The following ITGB3BP variants were observed in gnomAD, a reference collection of about 807,000 sequenced individuals.
ITGB3BP encodes integrin subunit beta 3 binding protein.
Under a neutral mutation model 29.1 loss-of-function variants are expected in ITGB3BP, and 27 were observed. The observed-to-expected ratio is 0.93, with a 90% CI of 0.68 to 1.28. The LOEUF is 1.28. Among genes scored for constraint, ITGB3BP ranks in the 50% most tolerant of loss-of-function variants. The pLI, the probability that ITGB3BP is intolerant of heterozygous loss-of-function variation, is 0.00. For synonymous variants in ITGB3BP, 61 were observed against 61.4 expected, an observed-to-expected ratio of 0.99 and a Z score of 0.03; for missense variants, 192 against 200.2, an observed-to-expected ratio of 0.96 and a Z score of 0.25.
At chr1:63,510,229 G>A (rs1646171415) in intron 1 of ITGB3BP, 1 of 470,448 alleles carries the variant, frequency 2.1e-6, no homozygotes, top group South Asian at 3.7e-5. Flanking sequence ...AAAAACTAAA[G>A]TTAAACAGTA....
chr1:63,468,862 A>AAATAAAT (rs1645144443), intron 4 of ITGB3BP, among the ~76,000 whole-genome samples: 17 of 139,380 alleles, frequency 1.2e-4, no homozygotes, highest in South Asian at 2.4e-4. Context: ...ACTCTGTCTC[A>AAATAAAT]AAATAAATAA....
At chr1:63,477,535 A>G (rs745413520) in intron 4 of ITGB3BP, among the ~76,000 whole-genome samples, 1 of 152,122 alleles carries the variant, frequency 6.6e-6, no homozygotes, top group Non-Finnish European at 1.5e-5. Context: ...CCTGGGTAAC[A>G]TGGCGAAACT....
chr1:63,522,998 G>C (rs762164547), intron 1 of ITGB3BP, 131 bp downstream of exon 1: 2 of 1,021,624 alleles, frequency 2.0e-6, no homozygotes, highest in Non-Finnish European at 3.1e-6. Context: ...GAAGGGAATT[G>C]CCTGTGGACA....
intron 4 of ITGB3BP, among the ~76,000 whole-genome samples, chr1:63,471,099 T>C (rs1645187918): frequency 6.6e-6 from 1 of 152,184 alleles, no homozygotes; most frequent in Non-Finnish European, 1.5e-5. Context: ...CTTTTGCCCA[T>C]TTTTCTATTG....
intron 4 of ITGB3BP, among the ~76,000 whole-genome samples, chr1:63,469,898 C>G (rs1040307420): frequency 2.0e-5 from 3 of 152,216 alleles, no homozygotes; most frequent in Non-Finnish European, 4.4e-5. Context: ...GTAACGCCCA[C>G]GCTGTAAGGT....
At chr1:63,511,465 C>G (rs1646198169) in intron 1 of ITGB3BP, among the ~76,000 whole-genome samples, 1 of 151,986 alleles carries the variant, frequency 6.6e-6, no homozygotes, top group South Asian at 2.1e-4. Flanking sequence ...AGCTGGGACA[C>G]AAACAGATAT....
chr1:63,518,273 A>G (rs1278629549), intron 1 of ITGB3BP, among the ~76,000 whole-genome samples: 1 of 152,170 alleles, frequency 6.6e-6, no homozygotes, highest in Non-Finnish European at 1.5e-5. Flanking sequence ...CTTTGTGGGA[A>G]GATTCTTAGT....
intron 1 of ITGB3BP, 121 bp from the exon 2 acceptor site, chr1:63,508,691 G>A (rs977475967): frequency 1.9e-6 from 1 of 514,130 alleles, no homozygotes; most frequent in African/African-American, 2.0e-5. Context: ...TTTATATTAT[G>A]TATTAAAGCA....
chr1:63,488,166 A>T (rs1473926972), intron 3 of ITGB3BP, among the ~76,000 whole-genome samples: 1 of 152,116 alleles, frequency 6.6e-6, no homozygotes, highest in Non-Finnish European at 1.5e-5. Flanking sequence ...ACATGGTTCA[A>T]ATGTACATAG....
At position 63,473,189 on chromosome 1, in the gene ITGB3BP, C is replaced by A. The variant is rs1298760500; in HGVS notation, c.254+5575G>T. ...GCAACCCTGTCTGGGAGGTGAGGAGCGTCTCTGCCCGGCCGCCCCGTCTGA... is the reference window on the plus strand; with the variant it reads ...GCAACCCTGTCTGGGAGGTGAGGAGAGTCTCTGCCCGGCCGCCCCGTCTGA... On this transcript the variant is annotated intron_variant, in intron 4 of 8. Coordinates refer to ENST00000271002, the MANE Select transcript of ITGB3BP (RefSeq NM_014288.5). 2.6e-5 allele frequency among the ~76,000 whole-genome samples: 4 copies of A among 151,928 alleles called. No individual in the cohort carries two copies. In the South Asian group the frequency reaches 8.3e-4, roughly 32 times the overall value.
In ITGB3BP at chr1:63,449,325, C is replaced by T. The variant is rs1171751687; in HGVS notation, c.485-2469G>A. 4 of 152,442 alleles carry T rather than the reference C, an allele frequency of 2.6e-5. No homozygotes were observed. The East Asian group carries it at 5.8e-4, about 22-fold the overall frequency. The allele number at this position is 152,442 out of a possible 1,614,324, so 9.4% of individuals were successfully genotyped here. On this transcript the variant is annotated intron_variant, in intron 7 of 8. Transcript: ENST00000271002. Reference sequence around the variant, plus strand: ...TAGCAAGTTATTTACACCTCTTAAACACCTAATTGCTATTAAGTGAGTCCA... The same window carrying T: ...TAGCAAGTTATTTACACCTCTTAAATACCTAATTGCTATTAAGTGAGTCCA...
chr1:63,522,812 TCATC>T (rs956135585), intron 1 of ITGB3BP: 24 of 449,906 alleles, frequency 5.3e-5, no homozygotes, highest in Non-Finnish European at 8.7e-5. Context: ...AGGCGTGTTT[TCATC>T]TACTCTGTCC....
Position 63,474,299 on chromosome 1 carries a change from C to A in ITGB3BP, c.254+4465G>T, listed in dbSNP as rs1464680764. Among the ~76,000 whole-genome samples, 17 of 144,284 alleles carry A rather than the reference C, an allele frequency of 1.2e-4. No homozygotes were observed. In the East Asian group the frequency reaches 1.4e-3, roughly 12 times the overall value. The allele number at this position is 144,284 out of a possible 152,430, so 94.7% of individuals were successfully genotyped here. A position where few individuals can be genotyped will look rare whatever the true frequency, so the allele number is the denominator to read the frequency against. ...GGGGGTCAGCCCCCCGCCCGGCCAG[C>A]CGCCCCATCCGGGAGGTGAGGGGCG... On this transcript the variant is annotated intron_variant, in intron 4 of 8. Coordinates refer to ENST00000271002, the MANE Select transcript of ITGB3BP (RefSeq NM_014288.5).
upstream of ITGB3BP, chr1:63,523,242 A>T: frequency 6.8e-7 from 1 of 1,470,342 alleles, no homozygotes; most frequent in Non-Finnish European, 9.5e-7. Context: ...CGCGCGCTGG[A>T]CGTTGCGTCA....
intron 4 of ITGB3BP, among the ~76,000 whole-genome samples, chr1:63,471,595 C>A (rs1645198366): frequency 6.6e-6 from 1 of 152,054 alleles, no homozygotes; most frequent in Admixed American, 6.5e-5. Context: ...GACTTCCAAT[C>A]CACCTGGAAT....
chr1:63,474,918 AAAC>A (rs369407896), intron 4 of ITGB3BP, among the ~76,000 whole-genome samples: 136,882 of 150,412 alleles, frequency 0.91, 63,510 homozygotes, highest in East Asian at 1. Context: ...AATAAAATAA[AAAC>A]AAAACAAAAC....
At position 63,441,668 on chromosome 1, in the gene ITGB3BP, C is replaced by G. The variant is rs547852162; in HGVS notation, c.*2-565G>C. ...AGAGAATTTTAAAACTCCAACAGGG[C>G]CTACAGAAAACTTATTTACATGCCT... On this transcript the variant is annotated intron_variant, in intron 8 of 8. Coordinates refer to ENST00000271002, the MANE Select transcript of ITGB3BP (RefSeq NM_014288.5). 2.0e-5 allele frequency among the ~76,000 whole-genome samples: 3 copies of G among 152,280 alleles called. No homozygotes were observed. The South Asian group carries it at 6.2e-4, about 32-fold the overall frequency.
chr1:63,528,668 T>C (rs768218264), intron 2 of ITGB3BP, among the ~76,000 whole-genome samples: 6 of 152,108 alleles, frequency 3.9e-5, no homozygotes, highest in Non-Finnish European at 8.8e-5. Flanking sequence ...AAATCTCATA[T>C]TATACACCTA....
chr1:63,520,884 G>A (rs6588048), intron 1 of ITGB3BP, among the ~76,000 whole-genome samples: 51,468 of 151,780 alleles, frequency 0.34, 8,937 homozygotes, highest in East Asian at 0.48. Flanking sequence ...TTATTTTTGC[G>A]TGTTCTTAAG....
Sources: gnomAD v4.1 joint callset for allele counts (sites outside exome capture counted in the v4.1 genomes callset) on GRCh38, gnomAD v4.1.1 for gene constraint, MANE v1.5 for transcripts, NCBI Gene and HGNC (gene_info 2026-07-23, HGNC 2026-07-21) for gene names.